The following HYAL2 variants were observed in gnomAD, a reference collection of about 807,000 sequenced individuals.
HYAL2 encodes the protein hyaluronidase-2.
Under a neutral mutation model 35.4 loss-of-function variants are expected in HYAL2, and 30 were observed. The observed-to-expected ratio is 0.85, with a 90% CI of 0.63 to 1.15. The LOEUF is 1.15. Ranked by LOEUF, HYAL2 falls within the 50% of genes most tolerant of loss-of-function variation. The pLI is 0.00. For missense variants in HYAL2, 635 were observed against 646.5 expected (o/e 0.98, Z 0.19); for synonymous variants, 262 against 252.8 (o/e 1.04, Z -0.34).
In HYAL2 at chr3:50,319,906, T is replaced by G. The variant is rs782655715; in HGVS notation, c.584A>C (p.Lys195Thr). The change falls in exon 2 of 4, where the codon AAG becomes ACG. Residue 195 changes from lysine (K) to threonine (T), a missense_variant. Lys to Thr is a moderately conservative substitution (Grantham distance 78). Coordinates refer to ENST00000357750, the MANE Select transcript of HYAL2 (RefSeq NM_003773.5). ...QFMLETLRYVKAVRPRHLWGF... is the reference protein window; with the variant it reads ...QFMLETLRYVTAVRPRHLWGF... ...CCAGAGGTGCCGGGGCCGCACTGCC[T>G]TGACATAACGCAGTGTCTCCAGCAT... 3.7e-6 allele frequency: 6 copies of G among 1,613,622 alleles called. No individual in the cohort carries two copies. The highest frequency in any genetic ancestry group is 1.7e-5 in the Admixed American group (1 of 60,002).
chr3:50,318,618 T>G lies in HYAL2; in HGVS notation c.1012-79A>C. ...GCCCAGATGGAAACTGTGTCCACAC[T>G]GTGATGACTATACCTTATTTTAACT... is the stretch of plus-strand genomic sequence containing the variant. On this transcript the variant is annotated intron_variant, in intron 3 of 3. Transcript: ENST00000357750. The surrounding 1 kb of genome is among the most constrained non-coding windows in gnomAD (Gnocchi z 4.5). 1 of 1,293,856 alleles carries G rather than the reference T, an allele frequency of 7.7e-7. No individual in the cohort carries two copies. The highest frequency in any genetic ancestry group is 1.1e-6 in the Non-Finnish European group (1 of 924,228). The allele number at this position is 1,293,856 out of a possible 1,614,324, so 80.1% of individuals were successfully genotyped here.
At position 50,319,889 on chromosome 3, in the gene HYAL2, G is replaced by A. The variant is rs782622084; in HGVS notation, c.601C>T (p.His201Tyr). 1.9e-6 allele frequency: 3 copies of A among 1,613,686 alleles called. No individual in the cohort carries two copies. The highest frequency in any genetic ancestry group is 2.5e-6 in the Non-Finnish European group (3 of 1,180,028). ...GGAAAGAGGTAGAAGCCCCAGAGGT[G>A]CCGGGGCCGCACTGCCTTGACATAA... ...LRYVKAVRPRHLWGFYLFPDC... is the reference protein window; with the variant it reads ...LRYVKAVRPRYLWGFYLFPDC... Residue 201 changes from histidine to tyrosine, a missense_variant, in exon 2 of 4, where the codon CAC becomes TAC. Physicochemically the swap from His to Tyr is moderately conservative, Grantham distance 83. Transcript: ENST00000357750.
Position 50,320,844 on chromosome 3 carries a change from T to C in HYAL2, c.-46-309A>G. 1 of 241,984 alleles carries C rather than the reference T, an allele frequency of 4.1e-6. No individual in the cohort carries two copies. Among genetic ancestry groups the C allele is most frequent in the Non-Finnish European group, 8.0e-6 (1 of 125,396 alleles). 15.0% of individuals were successfully genotyped at this position (241,984 alleles called of 1,614,324 possible). ...ACATATATGCCTGCATACCATCCAG[T>C]ACATGGTTTCAGAGAACCCTGAACA... On this transcript the variant is annotated intron_variant, in intron 1 of 3. Coordinates refer to ENST00000357750, the MANE Select transcript of HYAL2 (RefSeq NM_003773.5). This position sits in a 1 kb window ranked among gnomAD's most constrained non-coding sequence, Gnocchi z 4.8.
Position 50,318,450 on chromosome 3 carries a change from C to A in HYAL2, c.1101G>T (p.Arg367=). The change falls in exon 4 of 4, where the codon CGG becomes CGT. Residue 367 remains arginine (R), a synonymous_variant. Transcript: ENST00000357750. The surrounding 1 kb of genome is among the most constrained non-coding windows in gnomAD (Gnocchi z 4.5). ...NVSWATQYCS[R]AQCHGHGRCV... ...AGCGCCCATGGCCATGGCACTGGGC[C>A]CGGCTGCAATATTGGGTGGCCCAGG... The A allele has an allele frequency of 3.7e-6, 6 of 1,613,192 alleles. No homozygotes were observed. The highest frequency in any genetic ancestry group is 5.1e-6 in the Non-Finnish European group (6 of 1,180,026).
Position 50,320,411 on chromosome 3 carries a change from C to CTG in HYAL2, c.77_78dup (p.Ala27GlnfsTer13), listed in dbSNP as rs782531574. The CTG allele has an allele frequency of 3.7e-6, 6 of 1,607,050 alleles. No homozygotes were observed. The South Asian group carries it at 6.6e-5, about 18-fold the overall frequency. On this transcript the variant is annotated frameshift_variant, in exon 2 of 4. Coordinates refer to ENST00000357750, the MANE Select transcript of HYAL2 (RefSeq NM_003773.5). LOFTEE classifies it high-confidence loss of function. This position sits in a 1 kb window ranked among gnomAD's most constrained non-coding sequence, Gnocchi z 4.8. ...GGCCGGCCAGTGAAGATGGGTGGTG[C>CTG]TGTGGGCTTGAGCTCCATGGCCCAT...
chr3:50,320,202 C>G lies in HYAL2; in HGVS notation c.288G>C (p.Val96=). The G allele has an allele frequency of 6.2e-7, 1 of 1,613,990 alleles. No individual in the cohort carries two copies. Among genetic ancestry groups the G allele is most frequent in the Middle Eastern group, 1.6e-4 (1 of 6,062 alleles). ...YPRFDSAGRS[V]HGGVPQNVSL... ...TGACATTCTGTGGCACACCACCATG[C>G]ACAGACCTTCCGGCAGAATCGAAGC... The change falls in exon 2 of 4, where the codon GTG becomes GTC. Residue 96 remains valine (V), a synonymous_variant. Transcript: ENST00000357750. The surrounding 1 kb of genome is among the most constrained non-coding windows in gnomAD (Gnocchi z 4.8).
rs868959845 is a variant in HYAL2 at position 50,317,961 on chromosome 3, C to T, written c.*168G>A. The T allele has an allele frequency of 1.5e-5, 10 of 665,016 alleles. No individual in the cohort carries two copies. The highest frequency in any genetic ancestry group is 2.5e-5 in the Non-Finnish European group (10 of 403,062). 41.2% of individuals were successfully genotyped at this position (665,016 alleles called of 1,614,324 possible). On this transcript the variant is annotated 3_prime_UTR_variant, in exon 4 of 4. Transcript: ENST00000357750. The stretch of plus-strand genomic sequence containing the variant: ...GAGAAGGGGCCTCCCAGGGACTTCC[C>T]CTCCCCCTTAGAACAGGGGGGTGCG...
In HYAL2 at chr3:50,320,802, T is replaced by C. The variant is rs587616327; in HGVS notation, c.-46-267A>G. 110 of 359,690 alleles carry C rather than the reference T, an allele frequency of 3.1e-4. No homozygotes were observed. Among genetic ancestry groups the C allele is most frequent in the Admixed American group, 4.3e-4 (10 of 23,214 alleles). The allele number at this position is 359,690 out of a possible 1,614,324, so 22.3% of individuals were successfully genotyped here. A position where few individuals can be genotyped will look rare whatever the true frequency, so the allele number is the denominator to read the frequency against. On this transcript the variant is annotated intron_variant, in intron 1 of 3. Coordinates refer to ENST00000357750, the MANE Select transcript of HYAL2 (RefSeq NM_003773.5). This position sits in a 1 kb window ranked among gnomAD's most constrained non-coding sequence, Gnocchi z 4.8. ...GTGACCCTTCTAAGAACTAGATAAT[T>C]TGGGCTCACCAGAGTCACATATATG...
chr3:50,320,008 C>T lies in HYAL2; in HGVS notation c.482G>A (p.Ser161Asn), dbSNP rs1228124112. 6.2e-7 allele frequency: 1 copy of T among 1,613,250 alleles called. No homozygotes were observed. The highest frequency in any genetic ancestry group is 8.5e-7 in the Non-Finnish European group (1 of 1,180,054). Residue 161 changes from serine to asparagine, a missense_variant, in exon 2 of 4, where the codon AGT becomes AAT. Coordinates refer to ENST00000357750, the MANE Select transcript of HYAL2 (RefSeq NM_003773.5). This position sits in a 1 kb window ranked among gnomAD's most constrained non-coding sequence, Gnocchi z 4.8. ...YRRLSRQLVA[S>N]RHPDWPPDRI... The stretch of plus-strand genomic sequence containing the variant: ...GTCTGGAGGCCAGTCAGGGTGACGA[C>T]TGGCCACTAGCTGGCGTGATAACCG...
Position 50,318,921 on chromosome 3 carries a change from A to G in HYAL2, c.1011+35T>C. On this transcript the variant is annotated intron_variant, in intron 3 of 3. Transcript: ENST00000357750. The surrounding 1 kb of genome is among the most constrained non-coding windows in gnomAD (Gnocchi z 4.5). ...AAGGCCCTAACTCTCTGTCTGTCCC[A>G]TAGACTGAGCTCTGGCAGGCTGGGT... 6.3e-7 allele frequency: 1 copy of G among 1,578,464 alleles called. No homozygotes were observed. Among genetic ancestry groups the G allele is most frequent in the Non-Finnish European group, 8.7e-7 (1 of 1,147,904 alleles).
rs781990680 is a variant in HYAL2 at position 50,318,994 on chromosome 3, C to T, written c.973G>A (p.Val325Ile). 28 of 1,612,934 alleles carry T rather than the reference C, an allele frequency of 1.7e-5. No homozygotes were observed. The highest frequency in any genetic ancestry group is 2.3e-5 in the Non-Finnish European group (27 of 1,179,366). Residue 325 changes from valine (V) to isoleucine (I), a missense_variant, in exon 3 of 4, where the codon GTC becomes ATC. By Grantham distance (29) the Val-to-Ile change is conservative. Transcript: ENST00000357750. This position sits in a 1 kb window ranked among gnomAD's most constrained non-coding sequence, Gnocchi z 4.5. ...TACCCCGCGTCACCCCAGAGGATGA[C>T]ACCAGCTGCGCCCAGGGCCGCACTC... ...GESAALGAAG[V>I]ILWGDAGYTT... is the part of the protein sequence containing the mutation.
At position 50,318,470 on chromosome 3, in the gene HYAL2, C is replaced by G; in HGVS notation, c.1081G>C (p.Ala361Pro). The G allele has an allele frequency of 6.2e-7, 1 of 1,613,024 alleles. No individual in the cohort carries two copies. The highest frequency in any genetic ancestry group is 8.5e-7 in the Non-Finnish European group (1 of 1,179,936). The change falls in exon 4 of 4, where the codon GCC (alanine) becomes CCC (proline). Residue 361 changes from alanine (A) to proline (P), a missense_variant. Transcript: ENST00000357750. This position sits in a 1 kb window ranked among gnomAD's most constrained non-coding sequence, Gnocchi z 4.5. ...TGGGCCCGGCTGCAATATTGGGTGG[C>G]CCAGGACACATTGACCACGTAGGGG... ...LVPYVVNVSWATQYCSRAQCH... is the reference protein window; with the variant it reads ...LVPYVVNVSWPTQYCSRAQCH...
At position 50,318,192 on chromosome 3, in the gene HYAL2, C is replaced by T. The variant is rs782272709; in HGVS notation, c.1359G>A (p.Trp453Ter). 4 of 1,611,828 alleles carry T rather than the reference C, an allele frequency of 2.5e-6. No homozygotes were observed. In the Admixed American group the frequency reaches 6.7e-5, roughly 27 times the overall value. ...GCAGACTGGTGAGGTGGGACCCAGC[C>T]CAGGCCTCGCTGGCACCTCCAGCTG... ...RQAAGGASEAWAGSHLTSLLA... is the reference protein window; with the variant it reads ...RQAAGGASEA The change falls in exon 4 of 4, where the codon TGG (tryptophan) becomes TGA (stop). Residue 453 changes from tryptophan (W) to a stop codon, truncating the protein, a stop_gained. Coordinates refer to ENST00000357750, the MANE Select transcript of HYAL2 (RefSeq NM_003773.5). LOFTEE classifies it high-confidence loss of function. The surrounding 1 kb of genome is among the most constrained non-coding windows in gnomAD (Gnocchi z 4.5).
rs1702617383 is a variant in HYAL2, at chr3:50,318,768, C to G, written c.1011+188G>C. 1 of 670,018 alleles carries G rather than the reference C, an allele frequency of 1.5e-6. No homozygotes were observed. The highest frequency in any genetic ancestry group is 2.6e-6 in the Non-Finnish European group (1 of 390,034). The allele number at this position is 670,018 out of a possible 1,614,324, so 41.5% of individuals were successfully genotyped here. On this transcript the variant is annotated intron_variant, in intron 3 of 3. Transcript: ENST00000357750. The surrounding 1 kb of genome is among the most constrained non-coding windows in gnomAD (Gnocchi z 4.5). ...GGAAGGGCGGAACTCAACAGCTGTT[C>G]AGGACAGCATTTCCTCTTTCCTGAG...
chr3:50,319,485 A>T, intron 2 of HYAL2, 84 bp downstream of exon 2: 1 of 1,174,196 alleles, frequency 8.5e-7, no homozygotes, highest in East Asian at 2.6e-5. Flanking sequence ...CTACAGGTAT[A>T]GTCCTATAGT....
rs1553715965 is a variant in HYAL2 at position 50,318,784 on chromosome 3, C to T, written c.1011+172G>A. Reference sequence around the variant, plus strand: ...ACAGCTGTTCAGGACAGCATTTCCTCTTTCCTGAGAGCAGGGCCGGGGTGA... The same window carrying T: ...ACAGCTGTTCAGGACAGCATTTCCTTTTTCCTGAGAGCAGGGCCGGGGTGA... On this transcript the variant is annotated intron_variant, in intron 3 of 3. Coordinates refer to ENST00000357750, the MANE Select transcript of HYAL2 (RefSeq NM_003773.5). This position sits in a 1 kb window ranked among gnomAD's most constrained non-coding sequence, Gnocchi z 4.5. 3 of 688,654 alleles carry T rather than the reference C, an allele frequency of 4.4e-6. No homozygotes were observed. Among genetic ancestry groups the T allele is most frequent in the Non-Finnish European group, 7.5e-6 (3 of 402,016 alleles). The allele number at this position is 688,654 out of a possible 1,614,324, so 42.7% of individuals were successfully genotyped here.
chr3:50,319,143 A>C (rs1702627477), intron 2 of HYAL2, 98 bp from the exon 3 acceptor site: 1 of 776,470 alleles, frequency 1.3e-6, no homozygotes, highest in Non-Finnish European at 2.0e-6. Context: ...AACCTGCTGA[A>C]CTCCCAGCTC....
chr3:50,317,951 A>C lies in HYAL2; in HGVS notation c.*178T>G. 1.6e-6 allele frequency: 1 copy of C among 611,044 alleles called. No homozygotes were observed. Among genetic ancestry groups the C allele is most frequent in the Non-Finnish European group, 2.8e-6 (1 of 361,382 alleles). The allele number at this position is 611,044 out of a possible 1,614,324, so 37.9% of individuals were successfully genotyped here. Reference sequence around the variant, plus strand: ...CTGGCAGGGAGAGAAGGGGCCTCCCAGGGACTTCCCCTCCCCCTTAGAACA... The same window carrying C: ...CTGGCAGGGAGAGAAGGGGCCTCCCCGGGACTTCCCCTCCCCCTTAGAACA... On this transcript the variant is annotated 3_prime_UTR_variant, in exon 4 of 4. Coordinates refer to ENST00000357750, the MANE Select transcript of HYAL2 (RefSeq NM_003773.5).
chr3:50,318,551 A>C lies in HYAL2; in HGVS notation c.1012-12T>G, dbSNP rs1553715933. ...TACTGGCAGGTCTCCTGGAGGCAGA[A>C]GACAAGGACCACAGGTCAGGGTCAG... On this transcript the variant is annotated splice_polypyrimidine_tract_variant and intron_variant, in intron 3 of 3. Coordinates refer to ENST00000357750, the MANE Select transcript of HYAL2 (RefSeq NM_003773.5). This position sits in a 1 kb window ranked among gnomAD's most constrained non-coding sequence, Gnocchi z 4.5. The C allele has an allele frequency of 6.3e-7, 1 of 1,589,394 alleles. No individual in the cohort carries two copies. Among genetic ancestry groups the C allele is most frequent in the South Asian group, 1.1e-5 (1 of 87,866 alleles).
Sources: allele counts gnomAD v4.1 joint callset, GRCh38; gene constraint gnomAD v4.1.1; non-coding constraint Gnocchi (gnomAD v3.1); transcripts MANE v1.5; gene names NCBI Gene and HGNC (gene_info 2026-07-23, HGNC 2026-07-21).